LRRC40: variants seen among roughly 807,000 people sequenced by gnomAD.
LRRC40 encodes the protein leucine rich repeat containing 40, also known as leucine-rich repeat-containing protein 40.
In LRRC40, 76 loss-of-function variants were observed where a neutral mutation model predicts 72.8. The observed-to-expected ratio is 1.04, with a 90% CI of 0.87 to 1.26. LRRC40 has a LOEUF of 1.26. LRRC40 is among the 50% of genes most tolerant of loss of function. The probability of loss-of-function intolerance (pLI) is 0.00; values close to 1 mark genes in which losing one functional copy is unlikely to be tolerated. For missense variants in LRRC40, 684 were observed against 698.9 expected (o/e 0.98, Z 0.24); for synonymous variants, 243 against 254.2 (o/e 0.96, Z 0.42).
chr1:70,204,987 T>C (rs1039042063), intron 1 of LRRC40, among the ~76,000 whole-genome samples: 1 of 152,070 alleles, frequency 6.6e-6, no homozygotes, highest in African/African-American at 2.4e-5. Context: ...AAGGGGCCGA[T>C]AAAACATATA....
chr1:70,184,697 C>T (rs890019256), intron 4 of LRRC40, 88 bp downstream of exon 4: 45 of 1,235,562 alleles, frequency 3.6e-5, no homozygotes, highest in Admixed American at 5.1e-5. Flanking sequence ...CATGTTCCCA[C>T]AGTTTCAATC....
At chr1:70,203,263 T>C (rs1301303862) in intron 1 of LRRC40, among the ~76,000 whole-genome samples, 1 of 152,238 alleles carries the variant, frequency 6.6e-6, no homozygotes, top group African/African-American at 2.4e-5. Context: ...GACTTTTGTA[T>C]GCTGTGCTAA....
chr1:70,155,823 G>A (rs770757489), intron 10 of LRRC40, 27 bp from the exon 11 acceptor site: 14 of 1,133,902 alleles, frequency 1.2e-5, no homozygotes, highest in East Asian at 2.5e-5. Context: ...TTTAAAAAAC[G>A]AACCATTCTT....
chr1:70,188,868 A>G lies in LRRC40; in HGVS notation c.333+224T>C, dbSNP rs1668426934. ...CAGATGTGGAGACTAAGGCACAGAG[A>G]GGTAACTCTCCCCAGGTCACACAGC... On this transcript the variant is annotated intron_variant, in intron 2 of 14. Coordinates refer to ENST00000370952, the MANE Select transcript of LRRC40 (RefSeq NM_017768.5). Among the ~76,000 whole-genome samples the G allele has an allele frequency of 2.6e-5, 4 of 152,166 alleles. No individual in the cohort carries two copies. In the South Asian group the frequency reaches 8.3e-4, roughly 32 times the overall value.
At chr1:70,191,578 CAATT>C (rs1668501634) in intron 1 of LRRC40, among the ~76,000 whole-genome samples, 1 of 152,032 alleles carries the variant, frequency 6.6e-6, no homozygotes, top group African/African-American at 2.4e-5. Flanking sequence ...TTTCCATAAA[CAATT>C]ACTTACTACT....
chr1:70,155,884 A>G (rs1013735388), intron 10 of LRRC40, 88 bp from the exon 11 acceptor site: 4 of 522,056 alleles, frequency 7.7e-6, no homozygotes, highest in African/African-American at 2.0e-5. Context: ...AGGTGTTTAA[A>G]GATTTTATGA....
chr1:70,201,199 A>G (rs1668730116), intron 1 of LRRC40, among the ~76,000 whole-genome samples: 1 of 152,166 alleles, frequency 6.6e-6, no homozygotes, highest in African/African-American at 2.4e-5. Context: ...ATATATTTTG[A>G]ATGTAAATCA....
chr1:70,177,768 T>C (rs756199223), intron 6 of LRRC40, among the ~76,000 whole-genome samples: 1 of 152,184 alleles, frequency 6.6e-6, no homozygotes, highest in Non-Finnish European at 1.5e-5. Context: ...ATAAACACAG[T>C]TGATCCTTGA....
At chr1:70,195,461 A>T (rs1668587162) in intron 1 of LRRC40, among the ~76,000 whole-genome samples, 1 of 152,160 alleles carries the variant, frequency 6.6e-6, no homozygotes, top group Admixed American at 6.5e-5. Flanking sequence ...AAACATCATT[A>T]GTTTTAAAGG....
At position 70,189,201 on chromosome 1, in the gene LRRC40, G is replaced by A; in HGVS notation, c.224C>T (p.Thr75Ile). 1 of 1,610,910 alleles carries A rather than the reference G, an allele frequency of 6.2e-7. No individual in the cohort carries two copies. Reference protein sequence around the residue: ...EANQNLSFGATERWWEQTDLT... With the variant: ...EANQNLSFGAIERWWEQTDLT... ...ATCTGTCTGCTCCCACCATCTTTCA[G>A]TAGCACCAAACGAAAGATTCTGATT... is the stretch of plus-strand genomic sequence containing the variant. Residue 75 changes from threonine to isoleucine, a missense_variant, in exon 2 of 15, where the codon ACT (threonine) becomes ATT (isoleucine). Thr to Ile is a moderately conservative substitution (Grantham distance 89, BLOSUM62 -1). Transcript: ENST00000370952.
At chr1:70,184,996 G>T in intron 3 of LRRC40, 82 bp from the exon 4 acceptor site, 1 of 1,139,594 alleles carries the variant, frequency 8.8e-7, no homozygotes, top group South Asian at 1.6e-5. Context: ...GCTAACCAAT[G>T]ACACTGGACT....
intron 9 of LRRC40, among the ~76,000 whole-genome samples, chr1:70,170,273 C>CA (rs1313863177): frequency 6.6e-6 from 1 of 152,066 alleles, no homozygotes; most frequent in East Asian, 1.9e-4. Context: ...AGGGCATCTA[C>CA]AAAAAATCCA....
intron 1 of LRRC40, among the ~76,000 whole-genome samples, chr1:70,194,210 CA>C (rs1384291104): frequency 6.6e-6 from 1 of 151,810 alleles, no homozygotes; most frequent in African/African-American, 2.4e-5. Flanking sequence ...AAGGAATCTA[CA>C]AAAAAATTAT....
intron 9 of LRRC40, among the ~76,000 whole-genome samples, chr1:70,170,251 T>C (rs1667972679): frequency 6.6e-6 from 1 of 152,176 alleles, no homozygotes; most frequent in Non-Finnish European, 1.5e-5. Flanking sequence ...GGGAAATTCC[T>C]TAACATGATA....
At chr1:70,167,241 AAAAAAAG>A (rs1053362139) in intron 9 of LRRC40, among the ~76,000 whole-genome samples, 6 of 151,778 alleles carry the variant, frequency 4.0e-5, no homozygotes, top group South Asian at 2.1e-4. Context: ...AAAAAAAAAA[AAAAAAAG>A]AAAAAAGAAA....
In LRRC40 at chr1:70,189,080, C is replaced by A; in HGVS notation, c.333+12G>T. 1 of 1,599,816 alleles carries A rather than the reference C, an allele frequency of 6.3e-7. No homozygotes were observed. The highest frequency in any genetic ancestry group is 8.5e-7 in the Non-Finnish European group (1 of 1,173,458). ...TCAATTAATAATCCATATTTATAGTCAGTCAACTTACATCAAGAACAGTCA... is the reference window on the plus strand; with the variant it reads ...TCAATTAATAATCCATATTTATAGTAAGTCAACTTACATCAAGAACAGTCA... On this transcript the variant is annotated intron_variant, in intron 2 of 14. Transcript: ENST00000370952.
At chr1:70,174,662 T>C (rs1273647832) in intron 7 of LRRC40, among the ~76,000 whole-genome samples, 3 of 152,094 alleles carry the variant, frequency 2.0e-5, no homozygotes, top group Admixed American at 6.5e-5. Flanking sequence ...TTATGTTACA[T>C]GAAAGAAGCC....
intron 1 of LRRC40, among the ~76,000 whole-genome samples, chr1:70,190,451 TGGGA>T (rs571330965): frequency 1.3e-4 from 20 of 150,778 alleles, no homozygotes; most frequent in Non-Finnish European, 2.8e-4. Context: ...GAGGCTAAGG[TGGGA>T]GGATCACTTG....
At chr1:70,176,635 T>C (rs1274144106) in intron 6 of LRRC40, among the ~76,000 whole-genome samples, 2 of 150,856 alleles carry the variant, frequency 1.3e-5, no homozygotes, top group Non-Finnish European at 3.0e-5. Context: ...CAAAGTAATA[T>C]CAGTTTTTTA....
Sources: gnomAD v4.1 joint callset for allele counts (sites outside exome capture counted in the v4.1 genomes callset) on GRCh38, gnomAD v4.1.1 for gene constraint, MANE v1.5 for transcripts, NCBI Gene and HGNC (gene_info 2026-07-23, HGNC 2026-07-21) for gene names.